The following SNAP91 variants were observed in gnomAD, a reference collection of about 807,000 sequenced individuals.
SNAP91 encodes the protein clathrin coat assembly protein AP180.
Under a neutral mutation model 100.3 loss-of-function variants are expected in SNAP91, and 27 were observed. The observed-to-expected ratio is 0.27, with a 90% confidence interval of 0.20 to 0.37. SNAP91 has a LOEUF of 0.37. Ranked by LOEUF, SNAP91 falls within the 10% of genes least tolerant of loss-of-function variation. The pLI, the probability that SNAP91 is intolerant of heterozygous loss-of-function variation, is 1.00. For synonymous variants in SNAP91, 404 were observed against 398.6 expected, an observed-to-expected ratio of 1.01 and a Z score of -0.16; for missense variants, 986 against 1,123.7, an observed-to-expected ratio of 0.88 and a Z score of 1.75.
At chr6:83,606,502 T>C (rs1377145392) in intron 13 of SNAP91, among the ~76,000 whole-genome samples, 2 of 152,190 alleles carry the variant, frequency 1.3e-5, no homozygotes, top group Non-Finnish European at 2.9e-5. Flanking sequence ...GGGATGTTTT[T>C]ATAAATGCAA....
intron 7 of SNAP91, among the ~76,000 whole-genome samples, chr6:83,651,036 T>C (rs1295136018): frequency 6.6e-6 from 1 of 152,188 alleles, no homozygotes; most frequent in East Asian, 1.9e-4. Context: ...ATTATCAAAT[T>C]TGTGGGCATA....
At chr6:83,661,053 C>T (rs1405313086) in intron 5 of SNAP91, among the ~76,000 whole-genome samples, 1 of 152,142 alleles carries the variant, frequency 6.6e-6, no homozygotes, top group Non-Finnish European at 1.5e-5. Flanking sequence ...AATGATCCTC[C>T]CAGTTTGGCC....
At chr6:83,574,400 TA>T (rs1814323214) in intron 26 of SNAP91, among the ~76,000 whole-genome samples, 1 of 152,194 alleles carries the variant, frequency 6.6e-6, no homozygotes, top group African/African-American at 2.4e-5. Context: ...AATAGAAATT[TA>T]AAATACAGAC....
intron 13 of SNAP91, 91 bp downstream of exon 13, chr6:83,607,608 T>C (rs890063591): frequency 8.1e-6 from 6 of 744,620 alleles, no homozygotes; most frequent in Non-Finnish European, 1.3e-5. Context: ...TAGATTTCCT[T>C]TGGTGAAATC....
At chr6:83,590,492 G>T (rs780574559) in intron 22 of SNAP91, among the ~76,000 whole-genome samples, 1 of 151,430 alleles carries the variant, frequency 6.6e-6, no homozygotes, top group African/African-American at 2.4e-5. Flanking sequence ...TTCACACTAT[G>T]ACCCTGTTGA....
In SNAP91 at chr6:83,665,563, T is replaced by C; in HGVS notation, c.149A>G (p.Asn50Ser). Residue 50 changes from asparagine (N) to serine (S), a missense_variant, in exon 3 of 30, where the codon AAC becomes AGC. Asn to Ser is a conservative substitution (Grantham distance 46). Coordinates refer to ENST00000369694, the MANE Select transcript of SNAP91 (RefSeq NM_001242792.2). Reference protein sequence around the residue: ...KHLDYLIQATNETNVNIPQMA... With the variant: ...KHLDYLIQATSETNVNIPQMA... ...CTGAGGAATATTAACATTGGTCTCG[T>C]TGGTAGCCTGGATCAAATCTATGAA... 1 of 1,611,090 alleles carries C rather than the reference T, an allele frequency of 6.2e-7. No homozygotes were observed. The highest frequency in any genetic ancestry group is 1.7e-5 in the Admixed American group (1 of 59,452).
intron 2 of SNAP91, among the ~76,000 whole-genome samples, chr6:83,707,406 T>G (rs1213698675): frequency 1.3e-5 from 2 of 152,162 alleles, no homozygotes. Flanking sequence ...CATCTTTTTT[T>G]TTTTTGACTG....
At chr6:83,587,032 A>T (rs1056523957) in intron 22 of SNAP91, among the ~76,000 whole-genome samples, 1 of 152,186 alleles carries the variant, frequency 6.6e-6, no homozygotes, top group African/African-American at 2.4e-5. Context: ...ACTGAATTTG[A>T]ATAAAGAAGA....
chr6:83,622,554 A>G (rs570300211), intron 9 of SNAP91, among the ~76,000 whole-genome samples: 17 of 152,210 alleles, frequency 1.1e-4, no homozygotes, highest in Non-Finnish European at 1.5e-4. Context: ...CATCTCTACA[A>G]TAACATCATT....
chr6:83,624,717 A>G (rs2096864065), intron 8 of SNAP91, among the ~76,000 whole-genome samples: 1 of 152,018 alleles, frequency 6.6e-6, no homozygotes, highest in Non-Finnish European at 1.5e-5. Flanking sequence ...TGATAACAAA[A>G]AAACATCTCT....
At chr6:83,654,042 T>C (rs906859487) in intron 7 of SNAP91, among the ~76,000 whole-genome samples, 3 of 152,108 alleles carry the variant, frequency 2.0e-5, no homozygotes, top group Non-Finnish European at 4.4e-5. Context: ...CACAAGGAGA[T>C]TTTTCCCTAA....
chr6:83,618,958 G>C (rs1005468791), intron 9 of SNAP91, among the ~76,000 whole-genome samples: 4 of 151,774 alleles, frequency 2.6e-5, no homozygotes, highest in African/African-American at 9.7e-5. Flanking sequence ...CCAAAAATAG[G>C]TAATATTTTC....
At chr6:83,564,193 C>A (rs546736397) in intron 26 of SNAP91, among the ~76,000 whole-genome samples, 1 of 152,042 alleles carries the variant, frequency 6.6e-6, no homozygotes, top group Non-Finnish European at 1.5e-5. Context: ...TGGAAATAAA[C>A]CCATACCTCT....
intron 2 of SNAP91, among the ~76,000 whole-genome samples, chr6:83,683,567 T>TAAATG (rs2099021029): frequency 6.6e-6 from 1 of 152,130 alleles, no homozygotes; most frequent in African/African-American, 2.4e-5. Flanking sequence ...CTTCCAGAGG[T>TAAATG]CCCGACCAGA....
intron 8 of SNAP91, 132 bp downstream of exon 8, chr6:83,640,964 A>G: frequency 2.0e-6 from 1 of 506,424 alleles, no homozygotes; most frequent in Non-Finnish European, 3.4e-6. Context: ...TCCAACCTTA[A>G]TATACTGTGA....
chr6:83,588,265 T>C (rs566603053), intron 22 of SNAP91, among the ~76,000 whole-genome samples: 27 of 152,338 alleles, frequency 1.8e-4, no homozygotes, highest in African/African-American at 5.5e-4. Flanking sequence ...CTGATTTACA[T>C]TGAATATTAA....
chr6:83,681,754 A>G (rs1472970843), intron 2 of SNAP91, among the ~76,000 whole-genome samples: 3 of 152,190 alleles, frequency 2.0e-5, no homozygotes, highest in East Asian at 3.9e-4. Context: ...CTGTCAATCA[A>G]TATCAACTCT....
chr6:83,693,583 G>A (rs956442754), intron 2 of SNAP91, among the ~76,000 whole-genome samples: 5 of 152,170 alleles, frequency 3.3e-5, no homozygotes, highest in Non-Finnish European at 5.9e-5. Context: ...TATCAGACGC[G>A]ATGCTGGAAG....
chr6:83,679,926 T>C (rs967818838), intron 2 of SNAP91, among the ~76,000 whole-genome samples: 2 of 152,284 alleles, frequency 1.3e-5, no homozygotes, highest in East Asian at 3.9e-4. Context: ...CTTACATTTT[T>C]TTTTCAAAAA....
Sources: gnomAD v4.1 joint callset for allele counts (sites outside exome capture counted in the v4.1 genomes callset) on GRCh38, gnomAD v4.1.1 for gene constraint, MANE v1.5 for transcripts, NCBI Gene and HGNC (gene_info 2026-07-23, HGNC 2026-07-21) for gene names.